The following NRXN3 variants were observed in gnomAD, a reference collection of about 807,000 sequenced individuals.
The protein encoded by NRXN3 is neurexin 3, also known as neurexin III.
NRXN3 carries 32 observed loss-of-function variants against 137.6 expected under a neutral mutation model. The ratio of observed to expected loss-of-function variants is 0.23; its 90% CI spans 0.18 to 0.31. NRXN3 has a LOEUF of 0.31. NRXN3 is among the 10% of genes least tolerant of loss of function. The pLI is 1.00. For synonymous variants in NRXN3, 798 were observed against 784.5 expected (o/e 1.02, Z -0.29); for missense variants, 1,574 against 2,062.5 (o/e 0.76, Z 4.59).
intron 4 of NRXN3, among the ~76,000 whole-genome samples, chr14:78,469,834 G>T (rs1316369751): frequency 1.3e-5 from 2 of 152,200 alleles, no homozygotes; most frequent in African/African-American, 4.8e-5. Flanking sequence ...TTCAGTCTGA[G>T]ATCTCAGTAT....
chr14:79,054,555 T>A (rs1161227984), intron 15 of NRXN3, among the ~76,000 whole-genome samples: 1 of 152,196 alleles, frequency 6.6e-6, no homozygotes, highest in African/African-American at 2.4e-5. Flanking sequence ...CAAGGAGTCC[T>A]ACTCCAGCAG....
intron 4 of NRXN3, among the ~76,000 whole-genome samples, chr14:78,536,675 G>A (rs949502196): frequency 4.0e-5 from 6 of 151,816 alleles, no homozygotes; most frequent in Non-Finnish European, 7.4e-5. Flanking sequence ...TGATACATAG[G>A]TATACATGTG....
intron 20 of NRXN3, among the ~76,000 whole-genome samples, chr14:79,836,967 T>C (rs1453577131): frequency 1.3e-5 from 2 of 152,170 alleles, no homozygotes; most frequent in African/African-American, 4.8e-5. Context: ...GACTCCCCAC[T>C]TTCTCAGCTC....
intron 4 of NRXN3, among the ~76,000 whole-genome samples, chr14:78,407,208 C>A (rs969873676): frequency 6.6e-6 from 1 of 151,912 alleles, no homozygotes; most frequent in African/African-American, 2.4e-5. Flanking sequence ...ATTTTTCTTT[C>A]TTTTCCAGAA....
intron 4 of NRXN3, among the ~76,000 whole-genome samples, chr14:78,557,624 C>T (rs931640507): frequency 6.6e-6 from 1 of 152,204 alleles, no homozygotes; most frequent in East Asian, 1.9e-4. Context: ...AGCTGCAGGA[C>T]TACCTTTGTC....
chr14:78,473,516 CACAG>C (rs2095323166), intron 4 of NRXN3, among the ~76,000 whole-genome samples: 1 of 152,202 alleles, frequency 6.6e-6, no homozygotes, highest in South Asian at 2.1e-4. Flanking sequence ...GAGTTATGGC[CACAG>C]ACAGAGTCCT....
chr14:78,579,963 T>C (rs1314341778), intron 4 of NRXN3, among the ~76,000 whole-genome samples: 1 of 152,164 alleles, frequency 6.6e-6, no homozygotes, highest in African/African-American at 2.4e-5. Context: ...ACAGTAATAA[T>C]AGAATAGTAC....
chr14:78,984,686 G>GC (rs1277170701), intron 14 of NRXN3, among the ~76,000 whole-genome samples: 1 of 152,138 alleles, frequency 6.6e-6, no homozygotes, highest in African/African-American at 2.4e-5. Context: ...CCTCAATTCT[G>GC]CCCCCAGTCA....
At chr14:79,552,502 TAGC>T (rs2097383076) in intron 16 of NRXN3, among the ~76,000 whole-genome samples, 1 of 152,060 alleles carries the variant, frequency 6.6e-6, no homozygotes, top group Non-Finnish European at 1.5e-5. Flanking sequence ...GGAAATAGAT[TAGC>T]AGGAGAGAAG....
At chr14:79,568,513 C>T (rs1298298048) in intron 16 of NRXN3, among the ~76,000 whole-genome samples, 2 of 151,864 alleles carry the variant, frequency 1.3e-5, no homozygotes, top group African/African-American at 2.4e-5. Context: ...CAACAAACTC[C>T]ACCTCAGAGA....
At chr14:78,265,709 G>A (rs1201798091) in intron 2 of NRXN3, among the ~76,000 whole-genome samples, 1 of 152,148 alleles carries the variant, frequency 6.6e-6, no homozygotes, top group East Asian at 1.9e-4. Flanking sequence ...GCAATGACCT[G>A]GGATGCAGAT....
chr14:78,369,857 T>C (rs1020907291), intron 4 of NRXN3, among the ~76,000 whole-genome samples: 5 of 147,578 alleles, frequency 3.4e-5, no homozygotes, highest in African/African-American at 1.0e-4. Flanking sequence ...GTGGAAAAAG[T>C]GAAACTCAAT....
intron 16 of NRXN3, among the ~76,000 whole-genome samples, chr14:79,471,002 G>A (rs1270169840): frequency 1.3e-5 from 2 of 148,840 alleles, no homozygotes; most frequent in African/African-American, 2.5e-5. Flanking sequence ...GTGTGTTGGG[G>A]AGAAGGAGAA....
chr14:78,253,037 G>A (rs576028509), intron 2 of NRXN3, among the ~76,000 whole-genome samples: 1 of 152,300 alleles, frequency 6.6e-6, no homozygotes, highest in East Asian at 1.9e-4. Context: ...AGAGTTAAGA[G>A]AATGGGAAAG....
At chr14:79,682,402 A>G (rs2098675159) in intron 17 of NRXN3, among the ~76,000 whole-genome samples, 1 of 152,114 alleles carries the variant, frequency 6.6e-6, no homozygotes, top group African/African-American at 2.4e-5. Flanking sequence ...ACATACTACA[A>G]CTACGGCATC....
At chr14:79,531,021 A>G (rs535495918) in intron 16 of NRXN3, among the ~76,000 whole-genome samples, 16 of 152,312 alleles carry the variant, frequency 1.1e-4, no homozygotes, top group Admixed American at 1.3e-4. Context: ...TCCCAGCAGA[A>G]GTGTTGCAGT....
intron 15 of NRXN3, among the ~76,000 whole-genome samples, chr14:79,096,849 T>C (rs1355840977): frequency 4.6e-5 from 7 of 152,132 alleles, no homozygotes; most frequent in African/African-American, 1.2e-4. Context: ...CCAGGTATTC[T>C]TGATCTCTCA....
intron 15 of NRXN3, among the ~76,000 whole-genome samples, chr14:79,087,955 G>GATTTTCCCTATGAC (rs2048437178): frequency 1.3e-5 from 2 of 150,706 alleles, no homozygotes; most frequent in African/African-American, 5.0e-5. Flanking sequence ...GTTGTTTCTG[G>GATTTTCCCTATGAC]TTAAAGCAAC....
chr14:78,440,409 G>T (rs1029402876), intron 4 of NRXN3, among the ~76,000 whole-genome samples: 2 of 150,654 alleles, frequency 1.3e-5, no homozygotes, highest in Admixed American at 1.3e-4. Context: ...TGTTATTGCA[G>T]CTATTATTTT....
Sources: gnomAD v4.1 joint callset for allele counts (sites outside exome capture counted in the v4.1 genomes callset) on GRCh38, gnomAD v4.1.1 for gene constraint, MANE v1.5 for transcripts, NCBI Gene and HGNC (gene_info 2026-07-23, HGNC 2026-07-21) for gene names.